Variants in WHR1 observed in about 807,000 individuals in gnomAD.
The protein encoded by WHR1 is MHC class III HLA-RP1.
At chr6:31,973,721 C>T in the WHR1 span, among the ~76,000 whole-genome samples, 1 of 152,124 alleles carries the variant, frequency 6.6e-6, no homozygotes, top group Non-Finnish European at 1.5e-5. Context: ...GAAACACCAT[C>T]ATTTAAGGCA....
At chr6:31,975,499 C>A in the WHR1 span, among the ~76,000 whole-genome samples, 2 of 151,178 alleles carry the variant, frequency 1.3e-5, no homozygotes, top group Non-Finnish European at 2.9e-5. Flanking sequence ...CCGCACCCGG[C>A]CTAATTTTGT....
chr6:31,971,181 C>T, the WHR1 span: 1 of 1,604,132 alleles, frequency 6.2e-7, no homozygotes, highest in Non-Finnish European at 8.5e-7. The surrounding 1 kb of genome is among the most constrained non-coding windows in gnomAD (Gnocchi z 4.5). Flanking sequence ...GAAGGTCTGA[C>T]ACAAGCATTA....
chr6:31,971,273 G>C, the WHR1 span: 29 of 1,536,914 alleles, frequency 1.9e-5, no homozygotes, highest in Non-Finnish European at 2.4e-5. The surrounding 1 kb of genome is among the most constrained non-coding windows in gnomAD (Gnocchi z 4.5). Context: ...TAATTTTAGA[G>C]GGTAGGTACG....
chr6:31,979,469 C>T, the WHR1 span: 1 of 1,612,934 alleles, frequency 6.2e-7, no homozygotes, highest in East Asian at 2.2e-5. Flanking sequence ...AAATTTCTAG[C>T]TTCAGTACTT....
At chr6:31,979,893 C>G in the WHR1 span, 4 of 217,982 alleles carry the variant, frequency 1.8e-5, no homozygotes, top group Non-Finnish European at 3.6e-5. Context: ...CCTAAACATT[C>G]ACATTAAAAC....
the WHR1 span, among the ~76,000 whole-genome samples, chr6:31,974,145 G>A: frequency 3.9e-5 from 6 of 151,968 alleles, no homozygotes; most frequent in South Asian, 2.1e-4. Flanking sequence ...TTAGCCAGGC[G>A]TGGTGGTACG....
At chr6:31,979,692 A>G in the WHR1 span, 1 of 1,166,892 alleles carries the variant, frequency 8.6e-7, no homozygotes, top group Non-Finnish European at 1.2e-6. Flanking sequence ...TGTTAATAAA[A>G]TGACCCAAGT....
chr6:31,976,493 G>T, the WHR1 span, among the ~76,000 whole-genome samples: 2 of 151,696 alleles, frequency 1.3e-5, no homozygotes, highest in Non-Finnish European at 2.9e-5. Context: ...ATGAGCGGCC[G>T]GGCAGAGACG....
the WHR1 span, among the ~76,000 whole-genome samples, chr6:31,977,537 G>A: frequency 6.6e-6 from 1 of 151,664 alleles, no homozygotes; most frequent in African/African-American, 2.4e-5. Context: ...TTTTAGTAGA[G>A]ATGGGGTTTC....
the WHR1 span, chr6:31,971,773 A>C: frequency 2.2e-6 from 3 of 1,390,392 alleles, no homozygotes; most frequent in Non-Finnish European, 2.9e-6. The surrounding 1 kb of genome is among the most constrained non-coding windows in gnomAD (Gnocchi z 4.5). Flanking sequence ...CCTGATCGCC[A>C]GGCTCTGGCC....
the WHR1 span, chr6:31,979,446 T>C: frequency 6.2e-7 from 1 of 1,612,802 alleles, no homozygotes; most frequent in African/African-American, 1.3e-5. Flanking sequence ...GACCGTATGC[T>C]GGGGCAGTGC....
At chr6:31,972,381 C>A in the WHR1 span, 3 of 1,613,104 alleles carry the variant, frequency 1.9e-6, no homozygotes, top group South Asian at 3.3e-5. The surrounding 1 kb of genome is among the most constrained non-coding windows in gnomAD (Gnocchi z 6.3). Context: ...TCCATTCCTA[C>A]CCCTTCCCCG....
the WHR1 span, chr6:31,979,652 C>T: frequency 3.3e-6 from 5 of 1,495,314 alleles, no homozygotes; most frequent in Non-Finnish European, 4.5e-6. Flanking sequence ...GTGAACCTGC[C>T]AGAAAAGCTG....
At chr6:31,979,022 G>T in the WHR1 span, 3 of 1,609,426 alleles carry the variant, frequency 1.9e-6, no homozygotes, top group Admixed American at 3.3e-5. Flanking sequence ...TGCGTCAGGG[G>T]TGCTGGGGGG....
the WHR1 span, among the ~76,000 whole-genome samples, chr6:31,975,253 G>C: frequency 6.7e-6 from 1 of 149,784 alleles, no homozygotes; most frequent in African/African-American, 2.5e-5. Context: ...CCAGGCTGGA[G>C]TGCAGTGGTG....
At chr6:31,980,453 A>G in the WHR1 span, 11 of 1,612,410 alleles carry the variant, frequency 6.8e-6, no homozygotes, top group Non-Finnish European at 9.3e-6. Flanking sequence ...GCCCTCAGGC[A>G]TCTGGTGAAT....
the WHR1 span, chr6:31,973,423 T>C: frequency 2.3e-5 from 4 of 174,956 alleles, no homozygotes; most frequent in South Asian, 4.6e-4. Context: ...TCTGGGCCAG[T>C]GATAATAGAA....
At chr6:31,972,932 A>C in the WHR1 span, 4 of 1,066,428 alleles carry the variant, frequency 3.8e-6, no homozygotes, top group South Asian at 5.4e-5. This position sits in a 1 kb window ranked among gnomAD's most constrained non-coding sequence, Gnocchi z 6.3. Context: ...AGTACAGGGC[A>C]TTTCAAATCA....
chr6:31,972,301 G>A, the WHR1 span: 3 of 1,613,122 alleles, frequency 1.9e-6, no homozygotes, highest in South Asian at 1.1e-5. This position sits in a 1 kb window ranked among gnomAD's most constrained non-coding sequence, Gnocchi z 6.3. Flanking sequence ...ACCTGGTCTA[G>A]GAGGGACGCC....
Sources: allele counts gnomAD v4.1 joint callset (sites outside exome capture counted in the v4.1 genomes callset), GRCh38; gene constraint gnomAD v4.1.1; non-coding constraint Gnocchi (gnomAD v3.1); transcripts MANE v1.5; gene names NCBI Gene and HGNC (gene_info 2026-07-23, HGNC 2026-07-21).